Variants in CC2D2B observed in about 807,000 individuals in gnomAD.
CC2D2B encodes protein CC2D2B.
Under a neutral mutation model 161.2 loss-of-function variants are expected in CC2D2B, and 128 were observed. The observed-to-expected ratio is 0.79, with a 90% CI of 0.69 to 0.92. The LOEUF (loss-of-function observed/expected upper bound fraction) is 0.92, where lower values mean the gene tolerates loss of function less well. CC2D2B is among the 40% of genes least tolerant of loss of function. The pLI, the probability that CC2D2B is intolerant of heterozygous loss-of-function variation, is 0.00. For missense variants in CC2D2B, 1,173 were observed against 1,375.1 expected (o/e 0.85, Z 2.32); for synonymous variants, 391 against 449.8 (o/e 0.87, Z 1.65).
chr10:95,947,137 A>G (rs2076247737), intron 9 of CC2D2B, among the ~76,000 whole-genome samples: 2 of 101,754 alleles, frequency 2.0e-5, no homozygotes, highest in Non-Finnish European at 4.1e-5. Context: ...TTTTGAGACA[A>G]AGTATTGCTC....
intron 6 of CC2D2B, among the ~76,000 whole-genome samples, chr10:95,927,639 T>TA (rs2098541755): frequency 6.6e-6 from 1 of 152,110 alleles, no homozygotes; most frequent in South Asian, 2.1e-4. Flanking sequence ...TAAGCCTTGA[T>TA]ACAGCTGGAA....
chr10:95,992,403 C>A, intron 21 of CC2D2B, 124 bp from the exon 22 acceptor site: 1 of 698,640 alleles, frequency 1.4e-6, no homozygotes, highest in Non-Finnish European at 2.0e-6. Flanking sequence ...ACAATTCTGT[C>A]TCCCCTCCAT....
At chr10:95,987,771 A>T (rs1376154145) in intron 19 of CC2D2B, among the ~76,000 whole-genome samples, 2 of 152,182 alleles carry the variant, frequency 1.3e-5, no homozygotes, top group Non-Finnish European at 2.9e-5. Context: ...CAGAGGCATT[A>T]TTATTATTAC....
chr10:96,004,736 AAAAT>A (rs1370205452), intron 25 of CC2D2B, among the ~76,000 whole-genome samples: 23 of 152,204 alleles, frequency 1.5e-4, no homozygotes, highest in Non-Finnish European at 4.4e-5. Context: ...AGCAAGCTCC[AAAAT>A]AAACGTTAGT....
Position 96,019,740 on chromosome 10 carries a change from T to A in CC2D2B, c.3804T>A (p.Ala1268=), listed in dbSNP as rs867677833. 1 of 1,601,810 alleles carries A rather than the reference T, an allele frequency of 6.2e-7. No homozygotes were observed. Among genetic ancestry groups the A allele is most frequent in the South Asian group, 1.1e-5 (1 of 88,066 alleles). ...FNIQQNNTPM[A]VFFDYSKESF... is the part of the protein sequence containing the mutation. ...TTCAACAAAATAATACACCAATGGC[T>A]GTATTTTTTGACTATTCAAAGGAAA... The change falls in exon 32 of 35, where the codon GCT becomes GCA. Residue 1268 remains alanine, a synonymous_variant. Coordinates refer to ENST00000646931, the MANE Select transcript of CC2D2B (RefSeq NM_001349008.3).
chr10:95,992,891 G>A (rs565859007), intron 22 of CC2D2B, 194 bp downstream of exon 22: 9 of 379,294 alleles, frequency 2.4e-5, no homozygotes, highest in South Asian at 1.4e-4. Context: ...TCTGAGGTTC[G>A]AGATTCCCAG....
At chr10:96,021,107 T>G (rs2079437462) in intron 32 of CC2D2B, 1 of 152,172 alleles carries the variant, frequency 6.6e-6, no homozygotes, top group Non-Finnish European at 1.5e-5. Flanking sequence ...AAAAAATGTG[T>G]GATCATACTG....
chr10:95,933,139 A>G (rs1284345758), intron 6 of CC2D2B, among the ~76,000 whole-genome samples: 1 of 151,566 alleles, frequency 6.6e-6, no homozygotes, highest in Non-Finnish European at 1.5e-5. Context: ...TTGATCTTCA[A>G]TCTCTGGTAT....
chr10:95,927,282 T>C lies in CC2D2B; in HGVS notation c.286T>C (p.Phe96Leu), dbSNP rs1388498963. Residue 96 changes from phenylalanine (F) to leucine (L), a missense_variant, in exon 6 of 35, where the codon TTC becomes CTC. Phe to Leu is a conservative substitution (Grantham distance 22). Around this residue, in one of 3 missense-constraint regions of CC2D2B, gnomAD observed 298 missense variants for 261.2 expected, o/e 1.14. Coordinates refer to ENST00000646931, the MANE Select transcript of CC2D2B (RefSeq NM_001349008.3). ...CTCATTGGATGAAAGTCTTTCATTT[T>C]TCATTCTGAGTGGTGAAGAAGGTTC... The part of the protein sequence containing the change: ...EVSLDESLSF[F>L]ILSGEEGSAL... The C allele has an allele frequency of 1.3e-6, 2 of 1,551,816 alleles. No individual in the cohort carries two copies. The highest frequency in any genetic ancestry group is 4.9e-5 in the East Asian group (2 of 40,926).
chr10:96,025,185 A>ATATATATATATAT (rs1491443122), intron 33 of CC2D2B, among the ~76,000 whole-genome samples: 10 of 16,272 alleles, frequency 6.1e-4, no homozygotes, highest in South Asian at 1.6e-3. Flanking sequence ...ATATATATAT[A>ATATATATATATAT]AAAAAAAATA....
intron 9 of CC2D2B, among the ~76,000 whole-genome samples, chr10:95,943,569 A>T (rs192263589): frequency 6.6e-6 from 1 of 152,140 alleles, no homozygotes; most frequent in African/African-American, 2.4e-5. Context: ...TTTTTGCTTG[A>T]AAGTGTTCAT....
intron 9 of CC2D2B, among the ~76,000 whole-genome samples, chr10:95,943,669 A>G (rs2076097382): frequency 6.6e-6 from 1 of 152,158 alleles, no homozygotes; most frequent in Non-Finnish European, 1.5e-5. Flanking sequence ...TAATACAGTA[A>G]TAATAGCTAC....
At chr10:96,013,977 G>A (rs1406965262) in intron 29 of CC2D2B, 100 bp downstream of exon 29, 6 of 472,644 alleles carry the variant, frequency 1.3e-5, no homozygotes, top group Non-Finnish European at 2.0e-5. Flanking sequence ...TTTGCCTTGT[G>A]AAATTTAAAA....
intron 6 of CC2D2B, among the ~76,000 whole-genome samples, chr10:95,935,706 G>C (rs1041275523): frequency 2.0e-5 from 3 of 152,054 alleles, no homozygotes; most frequent in Non-Finnish European, 4.4e-5. Flanking sequence ...TGTCTGCCTA[G>C]AAAGCTCTTT....
Position 96,032,884 on chromosome 10 carries a change from T to C in CC2D2B, c.*876T>C, listed in dbSNP as rs1376131176. 2.3e-6 allele frequency: 1 copy of C among 427,330 alleles called. No individual in the cohort carries two copies. Among genetic ancestry groups the C allele is most frequent in the South Asian group, 1.8e-5 (1 of 55,622 alleles). 26.5% of individuals were successfully genotyped at this position (427,330 alleles called of 1,614,324 possible). On this transcript the variant is annotated 3_prime_UTR_variant, in exon 35 of 35. Coordinates refer to ENST00000646931, the MANE Select transcript of CC2D2B (RefSeq NM_001349008.3). Reference sequence around the variant, plus strand: ...CCCCAACTCTGCCTCTGGCACTTTTTGCTGCTTTTCTTTCTTAGTAGTGGC... The same window carrying C: ...CCCCAACTCTGCCTCTGGCACTTTTCGCTGCTTTTCTTTCTTAGTAGTGGC...
In CC2D2B at chr10:96,027,324, G is replaced by A; in HGVS notation, c.4060G>A (p.Gly1354Ser). 6.4e-7 allele frequency: 1 copy of A among 1,550,902 alleles called. No homozygotes were observed. The highest frequency in any genetic ancestry group is 8.7e-7 in the Non-Finnish European group (1 of 1,146,618). The part of the protein sequence containing the change: ...LRQILPKLEF[G>S]IGSFVSSEGD... ...ACAAATCCTTCCTAAGCTGGAATTT[G>A]GCATAGGAAGCTTTGTTTCATCTGA... is the stretch of plus-strand genomic sequence containing the variant. The change falls in exon 34 of 35, where the codon GGC becomes AGC. Residue 1354 changes from glycine to serine, a missense_variant. Physicochemically the swap from Gly to Ser is moderately conservative, Grantham distance 56. This residue lies in a region of CC2D2B where 598 missense variants were observed against 693.2 expected (regional missense o/e 0.86). Transcript: ENST00000646931.
intron 33 of CC2D2B, among the ~76,000 whole-genome samples, chr10:96,025,154 AATATAT>A (rs1175038678): frequency 4.0e-4 from 8 of 20,082 alleles, no homozygotes; most frequent in East Asian, 3.6e-3. Context: ...ACTAAAAAAA[AATATAT>A]ATATATATAT....
chr10:95,940,762 G>A (rs974041450), intron 9 of CC2D2B, among the ~76,000 whole-genome samples: 1 of 152,054 alleles, frequency 6.6e-6, no homozygotes, highest in Non-Finnish European at 1.5e-5. Flanking sequence ...ATGTTCATGG[G>A]TTAGAGGACT....
intron 9 of CC2D2B, among the ~76,000 whole-genome samples, chr10:95,945,931 T>G: frequency 6.6e-6 from 1 of 151,894 alleles, no homozygotes; most frequent in South Asian, 2.1e-4. Context: ...ATTACAGGTG[T>G]GCACCACCAC....
Sources: gnomAD v4.1 joint callset for allele counts (sites outside exome capture counted in the v4.1 genomes callset) on GRCh38, gnomAD v4.1.1 for gene constraint, gnomAD v4.1.1 regional missense constraint, MANE v1.5 for transcripts, NCBI Gene and HGNC (gene_info 2026-07-23, HGNC 2026-07-21) for gene names.